Variants in RHOBTB2 observed in about 807,000 individuals in gnomAD.
The protein encoded by RHOBTB2 is rho-related BTB domain-containing protein 2.
RHOBTB2 carries 39 observed loss-of-function variants against 66.5 expected under a neutral mutation model. The observed-to-expected ratio is 0.59, with a 90% CI of 0.45 to 0.77. The LOEUF (loss-of-function observed/expected upper bound fraction) is 0.77, where lower values mean the gene tolerates loss of function less well. RHOBTB2 is among the 30% of genes least tolerant of loss of function. The pLI is 0.00. For synonymous variants in RHOBTB2, 390 were observed against 395.0 expected, an observed-to-expected ratio of 0.99 and a Z score of 0.15; for missense variants, 755 against 999.1, an observed-to-expected ratio of 0.76 and a Z score of 3.29.
chr8:22,996,551 GT>G (rs1810569557), upstream of RHOBTB2, among the ~76,000 whole-genome samples: 1 of 125,368 alleles, frequency 8.0e-6, no homozygotes, highest in South Asian at 2.4e-4. Flanking sequence ...GTGTGTGTGT[GT>G]GTGTGTGTGT....
At chr8:22,999,325 C>T (rs1469377885), upstream of RHOBTB2, among the ~76,000 whole-genome samples, 1 of 152,134 alleles carries the variant, frequency 6.6e-6, no homozygotes, top group Admixed American at 6.5e-5. Context: ...CGTGGGCGTC[C>T]GGAGAGCCTT....
chr8:22,967,454 CA>C, the RHOBTB2 span, among the ~76,000 whole-genome samples: 1 of 151,466 alleles, frequency 6.6e-6, no homozygotes, highest in Non-Finnish European at 1.5e-5. Flanking sequence ...ACTAAAAATA[CA>C]GAAAAATTAG....
chr8:22,994,276 C>T (rs1316404340), intron 2 of RHOBTB2, among the ~76,000 whole-genome samples: 2 of 152,184 alleles, frequency 1.3e-5, no homozygotes, highest in East Asian at 1.9e-4. Flanking sequence ...TTTTCCAAAT[C>T]GCCAAACCAG....
At chr8:22,968,789 T>TTA in the RHOBTB2 span, among the ~76,000 whole-genome samples, 1 of 150,918 alleles carries the variant, frequency 6.6e-6, no homozygotes, top group Non-Finnish European at 1.5e-5. Context: ...TGACTATTAA[T>TTA]AAAAAAAATC....
the RHOBTB2 span, among the ~76,000 whole-genome samples, chr8:22,968,793 A>AC: frequency 6.6e-6 from 1 of 151,634 alleles, no homozygotes; most frequent in Admixed American, 6.6e-5. Context: ...TATTAATAAA[A>AC]AAAATCAGAT....
At chr8:22,976,512 C>T in the RHOBTB2 span, among the ~76,000 whole-genome samples, 1 of 152,140 alleles carries the variant, frequency 6.6e-6, no homozygotes, top group African/African-American at 2.4e-5. Context: ...TGTTTTCTAC[C>T]CAACAAAGTG....
upstream of RHOBTB2, among the ~76,000 whole-genome samples, chr8:22,984,076 C>T (rs1268236679): frequency 6.6e-6 from 1 of 152,098 alleles, no homozygotes; most frequent in African/African-American, 2.4e-5. Context: ...GAAGCCACCA[C>T]AGCTATTCAT....
chr8:22,967,199 T>A, the RHOBTB2 span, among the ~76,000 whole-genome samples: 2 of 152,190 alleles, frequency 1.3e-5, no homozygotes, highest in East Asian at 3.8e-4. Context: ...TAAAATGTCA[T>A]ATACACATAC....
the RHOBTB2 span, chr8:22,977,950 G>T: frequency 6.6e-6 from 1 of 152,046 alleles, no homozygotes; most frequent in African/African-American, 2.4e-5. Flanking sequence ...TTGAGCCCAA[G>T]AGTCCTATGC....
At chr8:22,959,133 T>C in the RHOBTB2 span, among the ~76,000 whole-genome samples, 1 of 152,270 alleles carries the variant, frequency 6.6e-6, no homozygotes, top group African/African-American at 2.4e-5. Flanking sequence ...CTCCTTGGTC[T>C]TTGCCCTGTG....
intron 5 of RHOBTB2, 90 bp from the exon 6 acceptor site, chr8:23,007,903 C>T: frequency 4.7e-6 from 7 of 1,488,456 alleles, no homozygotes; most frequent in Non-Finnish European, 6.5e-6. Flanking sequence ...CCCGAATCTT[C>T]TGGGTTCAGG....
At chr8:22,951,320 C>T in the RHOBTB2 span, among the ~76,000 whole-genome samples, 1 of 133,496 alleles carries the variant, frequency 7.5e-6, no homozygotes, top group Admixed American at 8.7e-5. Flanking sequence ...GGCGCGATCT[C>T]AGCTCACTGC....
rs1585191347 is a variant in RHOBTB2, at chr8:23,007,037, C to A, written c.792C>A (p.Leu264=). The A allele has an allele frequency of 6.8e-6, 11 of 1,609,294 alleles. No individual in the cohort carries two copies. The highest frequency in any genetic ancestry group is 9.3e-6 in the Non-Finnish European group (11 of 1,179,048). ...CCGCCCACCTCCTGGAGGACCCGCT[C>A]TGCGCGGACGTCATCCTGGTGCTGC... is the stretch of plus-strand genomic sequence containing the variant. ...ECPAHLLEDP[L]CADVILVLQE... Residue 264 remains leucine (L), a synonymous_variant, in exon 5 of 10, where the codon CTC becomes CTA. Transcript: ENST00000251822.
At chr8:22,983,694 T>C (rs1390549865), upstream of RHOBTB2, among the ~76,000 whole-genome samples, 2 of 152,148 alleles carry the variant, frequency 1.3e-5, no homozygotes, top group East Asian at 3.9e-4. Flanking sequence ...AAATAACTGG[T>C]TTCACATACT....
Position 23,018,197 on chromosome 8 carries a change from AC to A in RHOBTB2, c.*731del, listed in dbSNP as rs1304930680. 1.3e-5 allele frequency: 2 copies of A among 152,210 alleles called. No individual in the cohort carries two copies. The highest frequency in any genetic ancestry group is 4.8e-5 in the African/African-American group (2 of 41,344). The allele number at this position is 152,210 out of a possible 1,614,324, so 9.4% of individuals were successfully genotyped here. On this transcript the variant is annotated 3_prime_UTR_variant, in exon 10 of 10. Transcript: ENST00000251822. ...AAACTTCTCCCTCACCCCCTCCTTT[AC>A]CCTCAGATTTGGAGATGGTAACCAA...
chr8:22,988,321 G>A (rs920039626), intron 1 of RHOBTB2, among the ~76,000 whole-genome samples: 4 of 151,832 alleles, frequency 2.6e-5, no homozygotes, highest in Non-Finnish European at 5.9e-5. Context: ...CACCATGCCT[G>A]GCTAATTTTT....
At chr8:22,975,494 A>C in the RHOBTB2 span, among the ~76,000 whole-genome samples, 9 of 152,274 alleles carry the variant, frequency 5.9e-5, no homozygotes, top group East Asian at 1.7e-3. Flanking sequence ...CATGTGGCCC[A>C]AGTGCTGGAG....
chr8:23,007,864 C>T (rs921181143), intron 5 of RHOBTB2, 118 bp downstream of exon 5: 2 of 1,502,332 alleles, frequency 1.3e-6, no homozygotes, highest in Non-Finnish European at 1.8e-6. Flanking sequence ...GCCTGGTTTT[C>T]CCCAGCTGGG....
At chr8:22,986,663 C>T (rs917935122), upstream of RHOBTB2, among the ~76,000 whole-genome samples, 1 of 152,126 alleles carries the variant, frequency 6.6e-6, no homozygotes, top group Non-Finnish European at 1.5e-5. Flanking sequence ...AAACAGAGCT[C>T]AAGTAATTTG....
Sources: allele counts gnomAD v4.1 joint callset (sites outside exome capture counted in the v4.1 genomes callset), GRCh38; gene constraint gnomAD v4.1.1; transcripts MANE v1.5; gene names NCBI Gene and HGNC (gene_info 2026-07-23, HGNC 2026-07-21).